VAV1: variants seen among roughly 807,000 people sequenced by gnomAD.
VAV1 encodes the protein vav guanine nucleotide exchange factor 1.
VAV1 carries 33 observed loss-of-function variants against 128.1 expected under a neutral mutation model. The ratio of observed to expected loss-of-function variants is 0.26; its 90% CI spans 0.20 to 0.34. The LOEUF is 0.34. Ranked by LOEUF, VAV1 falls within the 10% of genes least tolerant of loss-of-function variation. The pLI is 1.00. For missense variants in VAV1, 715 were observed against 1,093.7 expected (o/e 0.65, Z 4.88); for synonymous variants, 394 against 409.8 (o/e 0.96, Z 0.47).
chr19:6,782,054 G>A lies in VAV1; in HGVS notation c.204+9043G>A, dbSNP rs113891034. On this transcript the variant is annotated intron_variant, in intron 1 of 26. Transcript: ENST00000602142. ...AATCTATAAAATGAGAATGTTGGCC[G>A]TGCACATGGCTCACTCTTGTAATCC... Among the ~76,000 whole-genome samples, 40 of 152,210 alleles carry A rather than the reference G, an allele frequency of 2.6e-4. 1 individual carries two copies. The highest frequency in any genetic ancestry group is 1.4e-3 in the Admixed American group (21 of 15,256).
rs1297726249 is a variant in VAV1 at position 6,832,160 on chromosome 19, G to C, written c.1468G>C (p.Glu490Gln). Residue 490 changes from glutamate to glutamine, a missense_variant, in exon 15 of 27, where the codon GAA becomes CAA. Coordinates refer to ENST00000602142, the MANE Select transcript of VAV1 (RefSeq NM_005428.4). ...CTATGAGCTGTTCTTCAAGACAAGA[G>C]AATTGAAGAAGAAGTGGATGGAGCA... ...QGYELFFKTR[E>Q]LKKKWMEQFE... The C allele has an allele frequency of 6.2e-7, 1 of 1,614,020 alleles. No homozygotes were observed. Among genetic ancestry groups the C allele is most frequent in the African/African-American group, 1.3e-5 (1 of 74,924 alleles).
intron 22 of VAV1, among the ~76,000 whole-genome samples, chr19:6,843,440 A>G (rs1972430265): frequency 4.6e-5 from 7 of 152,148 alleles, no homozygotes; most frequent in Admixed American, 4.6e-4. Flanking sequence ...GATGGTGGTG[A>G]TGGTAATGAC....
chr19:6,801,697 T>G (rs531968562), intron 1 of VAV1, among the ~76,000 whole-genome samples: 1 of 152,046 alleles, frequency 6.6e-6, no homozygotes, highest in Non-Finnish European at 1.5e-5. Context: ...TCCCTGGTGC[T>G]GGGGTGGGGG....
chr19:6,851,261 A>G (rs1568319696), intron 24 of VAV1, among the ~76,000 whole-genome samples: 1 of 151,910 alleles, frequency 6.6e-6, no homozygotes, highest in Non-Finnish European at 1.5e-5. Flanking sequence ...TGCAGCCTCA[A>G]ATTCCTGGTT....
chr19:6,828,670 C>A lies in VAV1; in HGVS notation c.1141C>A (p.Arg381=), dbSNP rs1438856958. Residue 381 remains arginine, a synonymous_variant, in exon 12 of 27, where the codon CGA becomes AGA. Transcript: ENST00000602142. This position sits in a 1 kb window ranked among gnomAD's most constrained non-coding sequence, Gnocchi z 4.5. ...NEVKRDNETL[R]QITNFQLSIE... is the part of the protein sequence containing the mutation. ...GGTCAAGCGAGACAACGAGACACTG[C>A]GACAGATCACCAATTTCCAGCTGTC... 4 of 1,614,126 alleles carry A rather than the reference C, an allele frequency of 2.5e-6. No homozygotes were observed. In the Middle Eastern group the frequency reaches 6.6e-4, roughly 266 times the overall value.
At chr19:6,780,283 T>C (rs1970742257) in intron 1 of VAV1, among the ~76,000 whole-genome samples, 2 of 150,174 alleles carry the variant, frequency 1.3e-5, no homozygotes, top group East Asian at 1.9e-4. Context: ...ACAGCATCAT[T>C]GTGGGGGATA....
At chr19:6,781,609 A>ATT (rs5826948) in intron 1 of VAV1, among the ~76,000 whole-genome samples, 2 of 141,618 alleles carry the variant, frequency 1.4e-5, no homozygotes, top group Non-Finnish European at 1.5e-5. Context: ...TCTCTTACTG[A>ATT]TTTTTTTTTT....
chr19:6,856,296 C>CA (rs60096400), intron 26 of VAV1, among the ~76,000 whole-genome samples: 1,871 of 132,812 alleles, frequency 0.014, 31 homozygotes, highest in African/African-American at 0.04. Flanking sequence ...GACTGTGTCT[C>CA]AAAAAAAAAA....
chr19:6,809,086 T>G (rs200027004), intron 1 of VAV1, among the ~76,000 whole-genome samples: 112,137 of 148,056 alleles, frequency 0.76, 44,156 homozygotes, highest in Non-Finnish European at 0.86. Context: ...TCTTTTTTTT[T>G]TTTTTTTTTT....
chr19:6,784,586 C>T (rs1039990373), intron 1 of VAV1, among the ~76,000 whole-genome samples: 17 of 151,534 alleles, frequency 1.1e-4, no homozygotes, highest in Non-Finnish European at 2.4e-4. Flanking sequence ...CTCCGCCTCC[C>T]GGGTTCAAGC....
chr19:6,805,788 A>G (rs1030515039), intron 1 of VAV1, among the ~76,000 whole-genome samples: 28 of 152,058 alleles, frequency 1.8e-4, no homozygotes, highest in African/African-American at 6.0e-4. Flanking sequence ...TATTATATAT[A>G]GTAATATTTA....
chr19:6,821,778 C>G lies in VAV1; in HGVS notation c.381-13C>G. 1 of 1,614,122 alleles carries G rather than the reference C, an allele frequency of 6.2e-7. No individual in the cohort carries two copies. Among genetic ancestry groups the G allele is most frequent in the South Asian group, 1.1e-5 (1 of 91,078 alleles). On this transcript the variant is annotated splice_polypyrimidine_tract_variant and intron_variant, in intron 3 of 26. Transcript: ENST00000602142. ...CCCCCAGGCCCCTGGCTCACACCCTCCTGACCCCCCAGGCCCTTCCCCACC... is the reference window on the plus strand; with the variant it reads ...CCCCCAGGCCCCTGGCTCACACCCTGCTGACCCCCCAGGCCCTTCCCCACC...
At chr19:6,775,061 C>T (rs1305335534) in intron 1 of VAV1, among the ~76,000 whole-genome samples, 3 of 152,074 alleles carry the variant, frequency 2.0e-5, no homozygotes, top group African/African-American at 2.4e-5. Context: ...CCACCATGCC[C>T]GGCCCTTCTG....
At position 6,772,977 on chromosome 19, in the gene VAV1, T is replaced by A; in HGVS notation, c.170T>A (p.Leu57Gln). 1 of 1,614,104 alleles carries A rather than the reference T, an allele frequency of 6.2e-7. No homozygotes were observed. The highest frequency in any genetic ancestry group is 8.5e-7 in the Non-Finnish European group (1 of 1,179,996). The change falls in exon 1 of 27, where the codon CTG becomes CAG. Residue 57 changes from leucine to glutamine, a missense_variant. By Grantham distance (113) the Leu-to-Gln change is moderately radical. Coordinates refer to ENST00000602142, the MANE Select transcript of VAV1 (RefSeq NM_005428.4). This position sits in a 1 kb window ranked among gnomAD's most constrained non-coding sequence, Gnocchi z 4.8. ...AACCTGCTACCCCATGCCATCAACC[T>A]GCGTGAGGTCAACCTGCGCCCCCAG... ...LNNLLPHAINLREVNLRPQMS... is the reference protein window; with the variant it reads ...LNNLLPHAINQREVNLRPQMS...
At position 6,848,148 on chromosome 19, in the gene VAV1, G is replaced by C. The variant is rs376029719; in HGVS notation, c.2129+34G>C. 5 of 1,514,482 alleles carry C rather than the reference G, an allele frequency of 3.3e-6. No individual in the cohort carries two copies. The East Asian group carries it at 8.0e-5, about 24-fold the overall frequency. 93.8% of individuals were successfully genotyped at this position (1,514,482 alleles called of 1,614,324 possible). ...TTTCTCCCTGACTCATACCCTTTTG[G>C]GGCCTGGGCCCTGCGGGCCTGGGAA... On this transcript the variant is annotated intron_variant, in intron 23 of 26. Transcript: ENST00000602142.
rs577046805 is a variant in VAV1 at position 6,799,253 on chromosome 19, C to T, written c.205-21449C>T. Among the ~76,000 whole-genome samples, 51 of 152,124 alleles carry T rather than the reference C, an allele frequency of 3.4e-4. No homozygotes were observed. In the Middle Eastern group the frequency reaches 0.01, roughly 30 times the overall value. ...CGCAATCTCGGCTCACTGCAACCTC[C>T]GCCTCCCAGGTTCAAGCGATTCTTC... is the stretch of plus-strand genomic sequence containing the variant. On this transcript the variant is annotated intron_variant, in intron 1 of 26. Coordinates refer to ENST00000602142, the MANE Select transcript of VAV1 (RefSeq NM_005428.4).
intron 1 of VAV1, among the ~76,000 whole-genome samples, chr19:6,810,695 A>G (rs1568297387): frequency 6.6e-6 from 1 of 151,132 alleles, no homozygotes; most frequent in Non-Finnish European, 1.5e-5. Flanking sequence ...ACAAGAGTGA[A>G]ACGTTATCTC....
intron 1 of VAV1, among the ~76,000 whole-genome samples, chr19:6,803,142 TAGAC>T (rs1220903828): frequency 6.6e-6 from 1 of 152,254 alleles, no homozygotes; most frequent in Admixed American, 6.5e-5. Flanking sequence ...CTGGAGGTGT[TAGAC>T]AGTAGCTTTT....
intron 4 of VAV1, 57 bp downstream of exon 4, chr19:6,821,916 G>A: frequency 1.2e-6 from 2 of 1,605,240 alleles, no homozygotes; most frequent in Non-Finnish European, 1.7e-6. Flanking sequence ...TGGGGGTGGA[G>A]GGTGTGGGGG....
Sources: gnomAD v4.1 joint callset for allele counts (sites outside exome capture counted in the v4.1 genomes callset) on GRCh38, gnomAD v4.1.1 for gene constraint, Gnocchi (gnomAD v3.1) non-coding constraint, MANE v1.5 for transcripts, NCBI Gene and HGNC (gene_info 2026-07-23, HGNC 2026-07-21) for gene names.